Variants in FCHO2 observed in about 807,000 individuals in gnomAD.
The protein encoded by FCHO2 is F-BAR domain only protein 2.
FCHO2 carries 43 observed loss-of-function variants against 114.1 expected under a neutral mutation model. The ratio of observed to expected loss-of-function variants is 0.38; its 90% CI spans 0.30 to 0.49. The LOEUF (loss-of-function observed/expected upper bound fraction) is 0.49. Ranked by LOEUF, FCHO2 falls within the 20% of genes least tolerant of loss-of-function variation. FCHO2 has a pLI of 0.97. For missense variants in FCHO2, 807 were observed against 950.4 expected (o/e 0.85, Z 1.98); for synonymous variants, 293 against 315.2 (o/e 0.93, Z 0.75).
At chr5:73,008,667 C>G (rs1158506793) in intron 6 of FCHO2, among the ~76,000 whole-genome samples, 1 of 152,028 alleles carries the variant, frequency 6.6e-6, no homozygotes, top group Non-Finnish European at 1.5e-5. Flanking sequence ...ATTCCGAATC[C>G]GAAGAGCTCT....
intron 7 of FCHO2, among the ~76,000 whole-genome samples, chr5:73,016,769 T>C (rs1472367383): frequency 6.6e-6 from 1 of 152,130 alleles, no homozygotes; most frequent in Non-Finnish European, 1.5e-5. Flanking sequence ...TGGTGGTGCA[T>C]GCCTATAGTC....
At chr5:72,971,797 A>T (rs1469724913) in intron 2 of FCHO2, among the ~76,000 whole-genome samples, 1 of 152,142 alleles carries the variant, frequency 6.6e-6, no homozygotes, top group Non-Finnish European at 1.5e-5. Flanking sequence ...CTGAATAGTA[A>T]TGCCTAGGTT....
Position 73,033,369 on chromosome 5 carries a change from C to A in FCHO2, c.797-1288C>A, listed in dbSNP as rs1756332977. Among the ~76,000 whole-genome samples the A allele has an allele frequency of 2.0e-5, 3 of 152,042 alleles. No homozygotes were observed. The South Asian group carries it at 6.2e-4, about 32-fold the overall frequency. On this transcript the variant is annotated intron_variant, in intron 8 of 25. Transcript: ENST00000430046. ...TATTTGAATGGAAACTAGAACCACACAGAAATAAATCTTAGGTTTAGGGGG... is the reference window on the plus strand; with the variant it reads ...TATTTGAATGGAAACTAGAACCACAAAGAAATAAATCTTAGGTTTAGGGGG...
intron 2 of FCHO2, among the ~76,000 whole-genome samples, chr5:72,979,608 G>A (rs2112637840): frequency 6.6e-6 from 1 of 151,168 alleles, no homozygotes; most frequent in East Asian, 2.0e-4. Flanking sequence ...AGCCAGGATG[G>A]TCTCGATCTC....
At chr5:73,047,402 T>G (rs1174551623) in intron 11 of FCHO2, among the ~76,000 whole-genome samples, 3 of 152,134 alleles carry the variant, frequency 2.0e-5, no homozygotes, top group Non-Finnish European at 4.4e-5. Context: ...TTCTGTAGTT[T>G]TTTTTTTTAA....
chr5:73,055,019 GA>G, intron 15 of FCHO2: 6 of 310,980 alleles, frequency 1.9e-5, no homozygotes, highest in Middle Eastern at 5.5e-4. Flanking sequence ...AGGGTTGTGG[GA>G]AAAACAGTTG....
Position 73,052,354 on chromosome 5 carries a change from C to T in FCHO2, c.1020C>T (p.Tyr340=), listed in dbSNP as rs769245377. 1.9e-5 allele frequency: 30 copies of T among 1,608,396 alleles called. No individual in the cohort carries two copies. The highest frequency in any genetic ancestry group is 2.5e-5 in the Non-Finnish European group (29 of 1,177,356). ...CACATACCAAAGAGAACCATTTCTA[C>T]TCATCTAGTGATTCTGACTCCGAAG... The part of the protein sequence containing the change: ...NQNDTKENHF[Y]SSSDSDSEDE... Residue 340 remains tyrosine (Y), a synonymous_variant, in exon 13 of 26, where the codon TAC becomes TAT. Coordinates refer to ENST00000430046, the MANE Select transcript of FCHO2 (RefSeq NM_138782.3).
chr5:73,012,494 C>T (rs1755075439), intron 6 of FCHO2, among the ~76,000 whole-genome samples: 1 of 151,934 alleles, frequency 6.6e-6, no homozygotes, highest in South Asian at 2.1e-4. Flanking sequence ...TGGCACATGC[C>T]TGTAGTCCCA....
intron 13 of FCHO2, among the ~76,000 whole-genome samples, chr5:73,053,737 GGTT>G (rs1446925308): frequency 1.3e-5 from 2 of 151,708 alleles, no homozygotes; most frequent in East Asian, 1.9e-4. Context: ...CGAAGTATGA[GGTT>G]GTAAACCATT....
At chr5:72,966,775 C>A (rs1752225949) in intron 1 of FCHO2, among the ~76,000 whole-genome samples, 1 of 152,154 alleles carries the variant, frequency 6.6e-6, no homozygotes, top group Non-Finnish European at 1.5e-5. Context: ...ATAACACTTT[C>A]CAACAAATAT....
chr5:73,031,786 A>G (rs1756252125), intron 8 of FCHO2, among the ~76,000 whole-genome samples: 1 of 152,232 alleles, frequency 6.6e-6, no homozygotes, highest in Admixed American at 6.5e-5. Context: ...GTAAAAGAGC[A>G]TCAGGAGACA....
intron 24 of FCHO2, among the ~76,000 whole-genome samples, chr5:73,085,654 A>G (rs1743274927): frequency 6.6e-6 from 1 of 151,996 alleles, no homozygotes; most frequent in African/African-American, 2.4e-5. Context: ...ACGTGCCTGT[A>G]GTCCCAGTTA....
At chr5:73,056,224 T>C (rs1757586454) in intron 16 of FCHO2, 117 bp downstream of exon 16, 1 of 699,834 alleles carries the variant, frequency 1.4e-6, no homozygotes, top group South Asian at 2.1e-5. Context: ...CCCTGCCCCT[T>C]CATATGCCCA....
chr5:72,999,559 T>C (rs903119667), intron 5 of FCHO2, among the ~76,000 whole-genome samples: 1 of 152,002 alleles, frequency 6.6e-6, no homozygotes, highest in Admixed American at 6.6e-5. Flanking sequence ...ATTTTTGTAT[T>C]TTTAGTAGAG....
chr5:73,041,106 A>G (rs1293548484), intron 10 of FCHO2, among the ~76,000 whole-genome samples, 185 bp from the exon 11 acceptor site: 1 of 152,150 alleles, frequency 6.6e-6, no homozygotes, highest in Non-Finnish European at 1.5e-5. Flanking sequence ...GTATGGGTAT[A>G]AGAATGCCTT....
intron 5 of FCHO2, among the ~76,000 whole-genome samples, chr5:73,001,147 A>G (rs1234536877): frequency 6.6e-6 from 1 of 152,070 alleles, no homozygotes; most frequent in Non-Finnish European, 1.5e-5. Flanking sequence ...CTGTAATCCC[A>G]GTGCTTTGGG....
intron 10 of FCHO2, among the ~76,000 whole-genome samples, chr5:73,039,315 C>T (rs1580148318): frequency 1.3e-5 from 2 of 152,186 alleles, no homozygotes; most frequent in African/African-American, 2.4e-5. Flanking sequence ...ATACAGCCCA[C>T]TGTGAGGGCA....
intron 2 of FCHO2, among the ~76,000 whole-genome samples, chr5:72,969,469 T>G (rs918102971): frequency 5.3e-5 from 8 of 152,212 alleles, no homozygotes; most frequent in African/African-American, 1.9e-4. Flanking sequence ...GCTCAAGTGC[T>G]CTGGGTAAGG....
At chr5:72,971,098 G>C (rs375500538) in intron 2 of FCHO2, among the ~76,000 whole-genome samples, 31 of 152,098 alleles carry the variant, frequency 2.0e-4, no homozygotes, top group East Asian at 1.7e-3. Flanking sequence ...TCCAGTCTAT[G>C]ATTGTTGGAC....
Sources: allele counts gnomAD v4.1 joint callset (sites outside exome capture counted in the v4.1 genomes callset), GRCh38; gene constraint gnomAD v4.1.1; transcripts MANE v1.5; gene names NCBI Gene and HGNC (gene_info 2026-07-23, HGNC 2026-07-21).